ELP3: variants seen among roughly 807,000 people sequenced by gnomAD.
ELP3 encodes elongator acetyltransferase complex subunit 3.
In ELP3, 56 loss-of-function variants were observed where a neutral mutation model predicts 74.9. The observed-to-expected ratio is 0.75, with a 90% CI of 0.60 to 0.93. ELP3 has a LOEUF of 0.93. Among genes scored for constraint, ELP3 ranks in the 40% least tolerant of loss-of-function variants. ELP3 has a pLI of 0.00. For missense variants in ELP3, 573 were observed against 686.5 expected (o/e 0.83, Z 1.85); for synonymous variants, 222 against 239.8 (o/e 0.93, Z 0.68).
intron 10 of ELP3, among the ~76,000 whole-genome samples, chr8:28,151,901 T>C (rs538685901): frequency 6.6e-6 from 1 of 152,344 alleles, no homozygotes; most frequent in Admixed American, 6.5e-5. Flanking sequence ...GCCAGGTTAC[T>C]GGAGGTAAAT....
chr8:28,143,279 G>A (rs1244366292), intron 10 of ELP3, among the ~76,000 whole-genome samples: 1 of 151,962 alleles, frequency 6.6e-6, no homozygotes, highest in Non-Finnish European at 1.5e-5. Context: ...TTGATCATGT[G>A]ATTTTATACT....
At chr8:28,132,147 A>T (rs1279000343) in intron 8 of ELP3, 131 bp from the exon 9 acceptor site, 10 of 961,092 alleles carry the variant, frequency 1.0e-5, no homozygotes, top group South Asian at 1.7e-5. Flanking sequence ...TTGGTTATGG[A>T]ACTTCTGTTA....
At chr8:28,167,441 A>G (rs531254772) in intron 14 of ELP3, among the ~76,000 whole-genome samples, 2 of 152,308 alleles carry the variant, frequency 1.3e-5, no homozygotes, top group African/African-American at 4.8e-5. Context: ...CTCTCAGGCT[A>G]CTACACATCT....
intron 6 of ELP3, 27 bp downstream of exon 6, chr8:28,110,465 A>C (rs1482274410): frequency 6.4e-7 from 1 of 1,570,874 alleles, no homozygotes; most frequent in East Asian, 2.2e-5. Context: ...CATGTTTCTT[A>C]AAAATTAGGT....
chr8:28,093,168 T>C lies in ELP3; in HGVS notation c.-47T>C. 6.2e-7 allele frequency: 1 copy of C among 1,608,314 alleles called. No homozygotes were observed. Among genetic ancestry groups the C allele is most frequent in the South Asian group, 1.1e-5 (1 of 89,534 alleles). On this transcript the variant is annotated 5_prime_UTR_variant, in exon 1 of 15. Transcript: ENST00000256398. ...GTCAGCTTTCCCCGTGGTCTGAGTT[T>C]GTGGCTGCATTTTTATCTCTGGTGG...
chr8:28,117,362 G>GT (rs1225757714), intron 7 of ELP3, among the ~76,000 whole-genome samples: 1 of 152,098 alleles, frequency 6.6e-6, no homozygotes, highest in East Asian at 1.9e-4. Flanking sequence ...TTGAATGTAA[G>GT]TTTTCCATCA....
chr8:28,131,719 C>T (rs1412976174), intron 8 of ELP3, among the ~76,000 whole-genome samples: 2 of 152,178 alleles, frequency 1.3e-5, no homozygotes, highest in Non-Finnish European at 2.9e-5. Context: ...ATGACTCTGC[C>T]TTCTCACTAA....
intron 3 of ELP3, among the ~76,000 whole-genome samples, chr8:28,106,179 C>T (rs904092514): frequency 6.6e-6 from 1 of 152,146 alleles, no homozygotes; most frequent in Non-Finnish European, 1.5e-5. Context: ...ATATATATTA[C>T]ATACGGACAA....
chr8:28,100,117 T>C, intron 3 of ELP3, 151 bp downstream of exon 3: 1 of 901,816 alleles, frequency 1.1e-6, no homozygotes, highest in Non-Finnish European at 1.7e-6. Flanking sequence ...AGTGGAGACC[T>C]GTGCTGAATG....
chr8:28,123,419 C>T (rs552789863), intron 7 of ELP3, among the ~76,000 whole-genome samples: 1 of 152,126 alleles, frequency 6.6e-6, no homozygotes, highest in East Asian at 1.9e-4. Context: ...TTTATTGAGA[C>T]TTGTTTTGTG....
intron 7 of ELP3, among the ~76,000 whole-genome samples, chr8:28,122,348 T>C (rs2130434062): frequency 6.6e-6 from 1 of 152,328 alleles, no homozygotes; most frequent in East Asian, 1.9e-4. Context: ...TCCCCTGTTT[T>C]CTGAAAGTGT....
chr8:28,143,589 G>A (rs1813325263), intron 10 of ELP3, among the ~76,000 whole-genome samples: 1 of 152,086 alleles, frequency 6.6e-6, no homozygotes, highest in Admixed American at 6.5e-5. Context: ...AAACTTAATG[G>A]CAGCATAGTA....
At chr8:28,142,774 A>G (rs1346886231) in intron 10 of ELP3, among the ~76,000 whole-genome samples, 1 of 152,186 alleles carries the variant, frequency 6.6e-6, no homozygotes, top group Non-Finnish European at 1.5e-5. Flanking sequence ...ATATGTTCAT[A>G]GTATTTTCCA....
intron 10 of ELP3, among the ~76,000 whole-genome samples, chr8:28,141,415 A>G (rs1289044186): frequency 6.6e-6 from 1 of 152,154 alleles, no homozygotes; most frequent in African/African-American, 2.4e-5. Flanking sequence ...AAAGAGTTCT[A>G]ACTTGAAGGA....
intron 10 of ELP3, among the ~76,000 whole-genome samples, chr8:28,153,704 C>T (rs776168032): frequency 1.4e-4 from 21 of 152,110 alleles, no homozygotes; most frequent in Non-Finnish European, 2.9e-4. Flanking sequence ...ACATCGTTGT[C>T]CTGGATTATC....
chr8:28,120,955 G>A (rs373570723), intron 7 of ELP3, among the ~76,000 whole-genome samples: 88 of 152,302 alleles, frequency 5.8e-4, no homozygotes, highest in African/African-American at 2.1e-3. Flanking sequence ...GTATCTTGAA[G>A]TCAAGTAATA....
chr8:28,162,204 T>C, intron 14 of ELP3, 126 bp downstream of exon 14: 1 of 946,626 alleles, frequency 1.1e-6, no homozygotes, highest in East Asian at 2.5e-5. Context: ...CTGAGCTGAC[T>C]GGCGAAGGAC....
At chr8:28,183,230 A>G (rs1478032119) in intron 14 of ELP3, 3 of 462,266 alleles carry the variant, frequency 6.5e-6, no homozygotes, top group South Asian at 3.1e-5. Context: ...AGGGGAGGCC[A>G]CCACAGAAGC....
chr8:28,137,612 C>A, intron 9 of ELP3, 86 bp from the exon 10 acceptor site: 1 of 1,366,170 alleles, frequency 7.3e-7, no homozygotes, highest in Non-Finnish European at 1.0e-6. Context: ...CTGGGTGTGC[C>A]AGAGAAGCTG....
Sources: gnomAD v4.1 joint callset for allele counts (sites outside exome capture counted in the v4.1 genomes callset) on GRCh38, gnomAD v4.1.1 for gene constraint, MANE v1.5 for transcripts, NCBI Gene and HGNC (gene_info 2026-07-23, HGNC 2026-07-21) for gene names.